The following PSD2 variants were observed in gnomAD, a reference collection of about 807,000 sequenced individuals.
PSD2 encodes pleckstrin and Sec7 domain containing 2.
In PSD2, 38 loss-of-function variants were observed where a neutral mutation model predicts 69.8. That is an observed-to-expected ratio of 0.54 (90% CI 0.42 to 0.71). PSD2 has a LOEUF of 0.71. Among genes scored for constraint, PSD2 ranks in the 30% least tolerant of loss-of-function variants. The pLI is 0.00. For missense variants in PSD2, 943 were observed against 1,014.5 expected (o/e 0.93, Z 0.96); for synonymous variants, 412 against 423.0 (o/e 0.97, Z 0.32).
the PSD2 span, among the ~76,000 whole-genome samples, chr5:139,789,903 G>A: frequency 6.6e-6 from 1 of 152,138 alleles, no homozygotes; most frequent in Non-Finnish European, 1.5e-5. Context: ...GTCAGAAAAG[G>A]TGACATTGGA....
At chr5:139,750,862 A>G in the PSD2 span, among the ~76,000 whole-genome samples, 1 of 152,162 alleles carries the variant, frequency 6.6e-6, no homozygotes, top group East Asian at 1.9e-4. Context: ...GGCAACTTCC[A>G]GGGTGGGGTT....
At position 139,837,596 on chromosome 5, in the gene PSD2, C is replaced by A. The variant is rs763862514; in HGVS notation, c.1666-29C>A. On this transcript the variant is annotated intron_variant, in intron 11 of 14. Transcript: ENST00000274710. The surrounding 1 kb of genome is among the most constrained non-coding windows in gnomAD (Gnocchi z 5.0). ...GAGAGTGGAAGGTGTGGGTCAGTGA[C>A]CCTAGCTCGCCCATCCTGCCCCACC... is the stretch of plus-strand genomic sequence containing the variant. The A allele has an allele frequency of 3.2e-6, 5 of 1,575,298 alleles. No homozygotes were observed. The South Asian group carries it at 5.8e-5, about 18-fold the overall frequency.
intron 7 of PSD2, among the ~76,000 whole-genome samples, chr5:139,830,532 T>TCCTC (rs1760550056): frequency 8.3e-6 from 1 of 120,254 alleles, no homozygotes; most frequent in Non-Finnish European, 1.6e-5. Flanking sequence ...CTTCCTTCCT[T>TCCTC]CCTTCCTTCC....
Position 139,843,832 on chromosome 5 carries a change from T to C in PSD2, c.*1358T>C, listed in dbSNP as rs1561612322. ...GGGGTGATGGCACATTCAGTGTGGCTATGAAGAGCGAATCCTCTCTATTGT... is the reference window on the plus strand; with the variant it reads ...GGGGTGATGGCACATTCAGTGTGGCCATGAAGAGCGAATCCTCTCTATTGT... On this transcript the variant is annotated 3_prime_UTR_variant, in exon 15 of 15. Coordinates refer to ENST00000274710, the MANE Select transcript of PSD2 (RefSeq NM_032289.4). 1 of 152,224 alleles carries C rather than the reference T, an allele frequency of 6.6e-6. No individual in the cohort carries two copies. The highest frequency in any genetic ancestry group is 2.4e-5 in the African/African-American group (1 of 41,452). The allele number at this position is 152,224 out of a possible 1,614,324, so 9.4% of individuals were successfully genotyped here.
At chr5:139,795,232 G>A (rs1318353422), upstream of PSD2, among the ~76,000 whole-genome samples, 2 of 151,914 alleles carry the variant, frequency 1.3e-5, no homozygotes, top group African/African-American at 2.4e-5. This position sits in a 1 kb window ranked among gnomAD's most constrained non-coding sequence, Gnocchi z 4.5. Context: ...TCTCCGTCCC[G>A]TCCCGTGTGA....
chr5:139,755,465 G>A, the PSD2 span, among the ~76,000 whole-genome samples: 1 of 152,052 alleles, frequency 6.6e-6, no homozygotes, highest in Non-Finnish European at 1.5e-5. Context: ...GCATGTTTGT[G>A]TTTGTAGCTC....
chr5:139,809,779 C>T lies in PSD2; in HGVS notation c.339C>T (p.Ser113=). The T allele has an allele frequency of 6.2e-7, 1 of 1,614,168 alleles. No homozygotes were observed. The highest frequency in any genetic ancestry group is 8.5e-7 in the Non-Finnish European group (1 of 1,180,024). The change falls in exon 2 of 15, where the codon AGC becomes AGT. Residue 113 remains serine (S), a synonymous_variant. Transcript: ENST00000274710. ...CAGAGGGGGACAATGCTTCCAGGAG[C>T]CTCTACCCAGATGCTGAGGACCCTC... The part of the protein sequence containing the change: ...VLAEGDNASR[S]LYPDAEDPQL...
the PSD2 span, among the ~76,000 whole-genome samples, chr5:139,759,155 C>G: frequency 1.3e-5 from 2 of 152,306 alleles, no homozygotes; most frequent in South Asian, 2.1e-4. Context: ...TGGCCTCCCC[C>G]ATTCTCCGTC....
At chr5:139,825,760 C>T (rs114271113) in intron 7 of PSD2, among the ~76,000 whole-genome samples, 2 of 151,966 alleles carry the variant, frequency 1.3e-5, no homozygotes, top group Non-Finnish European at 2.9e-5. Context: ...GACATCAGTG[C>T]GGGGAGGCCA....
At chr5:139,799,191 G>T (rs535643240) in intron 1 of PSD2, among the ~76,000 whole-genome samples, 1 of 152,206 alleles carries the variant, frequency 6.6e-6, no homozygotes, top group South Asian at 2.1e-4. Context: ...TGGCTCAGGG[G>T]TCCCTGTATT....
chr5:139,836,730 A>AG (rs1760728085), intron 9 of PSD2, 81 bp from the exon 10 acceptor site: 2 of 1,275,798 alleles, frequency 1.6e-6, no homozygotes, highest in African/African-American at 2.9e-5. Flanking sequence ...GCTCCTGGAG[A>AG]GGAGGCTGGT....
the PSD2 span, among the ~76,000 whole-genome samples, chr5:139,764,638 C>T: frequency 6.6e-6 from 1 of 152,154 alleles, no homozygotes; most frequent in African/African-American, 2.4e-5. Context: ...GGCAGGAGGC[C>T]GAGCCTGGCA....
rs1405393734 is a variant in PSD2, at chr5:139,809,417, G to A, written c.-24G>A. 1 of 1,604,884 alleles carries A rather than the reference G, an allele frequency of 6.2e-7. No homozygotes were observed. Among genetic ancestry groups the A allele is most frequent in the Non-Finnish European group, 8.5e-7 (1 of 1,177,364 alleles). On this transcript the variant is annotated 5_prime_UTR_variant, in exon 2 of 15. Transcript: ENST00000274710. The stretch of plus-strand genomic sequence containing the variant: ...TCTAGAGGAGTCCCAGGAGCAGCCA[G>A]GACAGGCGGAAGCAGTGGCTGCCAT...
At chr5:139,783,272 C>T in the PSD2 span, among the ~76,000 whole-genome samples, 1 of 151,994 alleles carries the variant, frequency 6.6e-6, no homozygotes, top group Admixed American at 6.6e-5. Context: ...CTCGTCTCTA[C>T]AAAAATAAAA....
chr5:139,752,407 G>C, the PSD2 span, among the ~76,000 whole-genome samples: 1 of 152,100 alleles, frequency 6.6e-6, no homozygotes, highest in South Asian at 2.1e-4. Context: ...CAGGCAAGGA[G>C]ACATACAGAG....
chr5:139,831,303 A>T (rs976387346), intron 7 of PSD2, among the ~76,000 whole-genome samples: 1 of 152,036 alleles, frequency 6.6e-6, no homozygotes, highest in Non-Finnish European at 1.5e-5. Context: ...TCTTTCAAAG[A>T]TTTCTGTTCT....
At chr5:139,751,448 C>T in the PSD2 span, among the ~76,000 whole-genome samples, 1 of 152,184 alleles carries the variant, frequency 6.6e-6, no homozygotes, top group Non-Finnish European at 1.5e-5. Context: ...CCCACCTACA[C>T]ATACTCACAC....
At chr5:139,746,783 C>T in the PSD2 span, among the ~76,000 whole-genome samples, 1 of 152,196 alleles carries the variant, frequency 6.6e-6, no homozygotes, top group African/African-American at 2.4e-5. The surrounding 1 kb of genome is among the most constrained non-coding windows in gnomAD (Gnocchi z 4.5). Flanking sequence ...CTTCATCTAG[C>T]GCTCCCGGGG....
chr5:139,769,651 T>G, the PSD2 span, among the ~76,000 whole-genome samples: 1 of 152,212 alleles, frequency 6.6e-6, no homozygotes, highest in East Asian at 1.9e-4. Context: ...CACACCTTTG[T>G]TCCCTAAAGG....
Sources: allele counts gnomAD v4.1 joint callset (sites outside exome capture counted in the v4.1 genomes callset), GRCh38; gene constraint gnomAD v4.1.1; non-coding constraint Gnocchi (gnomAD v3.1); transcripts MANE v1.5; gene names NCBI Gene and HGNC (gene_info 2026-07-23, HGNC 2026-07-21).